The following TANC2 variants were observed in gnomAD, a reference collection of about 807,000 sequenced individuals.
TANC2 encodes protein TANC2.
TANC2 carries 26 observed loss-of-function variants against 210.5 expected under a neutral mutation model. The ratio of observed to expected loss-of-function variants is 0.12; its 90% confidence interval spans 0.09 to 0.17. The LOEUF (loss-of-function observed/expected upper bound fraction) is 0.17, where lower values mean the gene tolerates loss of function less well. TANC2 is among the 10% of genes least tolerant of loss of function. The probability of loss-of-function intolerance (pLI) is 1.00; values close to 1 mark genes in which losing one functional copy is unlikely to be tolerated. For synonymous variants in TANC2, 931 were observed against 967.1 expected (o/e 0.96, Z 0.69); for missense variants, 2,129 against 2,608.9 (o/e 0.82, Z 4.01).
At chr17:63,262,671 C>G in intron 8 of TANC2, among the ~76,000 whole-genome samples, 1 of 150,080 alleles carries the variant, frequency 6.7e-6, no homozygotes. Context: ...GATAAAGAAT[C>G]AAACAAAAGA....
chr17:63,347,834 G>A (rs2046464003), intron 12 of TANC2, among the ~76,000 whole-genome samples: 1 of 152,186 alleles, frequency 6.6e-6, no homozygotes, highest in Non-Finnish European at 1.5e-5. Context: ...GAGTACAGTG[G>A]CAAGATCATA....
intron 19 of TANC2, among the ~76,000 whole-genome samples, chr17:63,399,935 G>A (rs925277620): frequency 6.6e-6 from 1 of 152,250 alleles, no homozygotes. Context: ...GGGAGCAGAT[G>A]CCTGGCAGCT....
At chr17:63,416,516 A>G (rs2048865847) in intron 26 of TANC2, among the ~76,000 whole-genome samples, 1 of 152,232 alleles carries the variant, frequency 6.6e-6, no homozygotes, top group South Asian at 2.1e-4. Flanking sequence ...GGGATCTTCC[A>G]GAAAGATTTG....
chr17:63,062,336 T>C (rs777193682), intron 2 of TANC2, among the ~76,000 whole-genome samples: 8 of 152,246 alleles, frequency 5.3e-5, no homozygotes, highest in Non-Finnish European at 1.0e-4. Flanking sequence ...TCTCCTCTTG[T>C]ACTTTGATTT....
At chr17:63,271,173 A>G (rs1334797196) in intron 9 of TANC2, among the ~76,000 whole-genome samples, 2 of 152,134 alleles carry the variant, frequency 1.3e-5, no homozygotes, top group Non-Finnish European at 2.9e-5. Flanking sequence ...TCCTTCGAAT[A>G]TACCCAGTGA....
chr17:63,098,667 C>T (rs2037505605), intron 3 of TANC2, among the ~76,000 whole-genome samples: 1 of 151,658 alleles, frequency 6.6e-6, no homozygotes, highest in Non-Finnish European at 1.5e-5. Context: ...TAGAAGTAAA[C>T]AGCATGTAAT....
intron 1 of TANC2, among the ~76,000 whole-genome samples, chr17:62,970,586 T>C (rs1308215640): frequency 6.6e-6 from 1 of 152,210 alleles, no homozygotes; most frequent in African/African-American, 2.4e-5. Flanking sequence ...AGGAGTATAC[T>C]AATCCAGTCA....
chr17:63,346,082 A>G (rs1164323144), intron 12 of TANC2, among the ~76,000 whole-genome samples: 1 of 152,200 alleles, frequency 6.6e-6, no homozygotes, highest in Non-Finnish European at 1.5e-5. Context: ...GGGAAGGGGA[A>G]ATAATCTCAA....
At chr17:63,113,642 G>C (rs762180566) in intron 4 of TANC2, among the ~76,000 whole-genome samples, 2 of 152,024 alleles carry the variant, frequency 1.3e-5, no homozygotes, top group Non-Finnish European at 2.9e-5. Context: ...TGAGTAGCTG[G>C]GACTACAGGC....
chr17:63,067,993 G>T (rs560646746), intron 2 of TANC2, among the ~76,000 whole-genome samples: 1 of 152,294 alleles, frequency 6.6e-6, no homozygotes, highest in Non-Finnish European at 1.5e-5. Flanking sequence ...TAAATGCAAA[G>T]AAATTCATAC....
At chr17:63,037,010 T>C (rs1000590520) in intron 2 of TANC2, among the ~76,000 whole-genome samples, 1 of 152,140 alleles carries the variant, frequency 6.6e-6, no homozygotes, top group African/African-American at 2.4e-5. Flanking sequence ...TAAAGTTTAA[T>C]TTATAAATTA....
At chr17:63,133,378 T>TA (rs1274965897) in intron 4 of TANC2, among the ~76,000 whole-genome samples, 10 of 152,248 alleles carry the variant, frequency 6.6e-5, no homozygotes, top group African/African-American at 2.4e-4. Context: ...GTGCTGGGAT[T>TA]ACAGGCGTGA....
chr17:63,063,929 A>G lies in TANC2; in HGVS notation c.68-10014A>G, dbSNP rs970762710. Among the ~76,000 whole-genome samples, 12 of 152,238 alleles carry G rather than the reference A, an allele frequency of 7.9e-5. No individual in the cohort carries two copies. The East Asian group carries it at 2.3e-3, about 29-fold the overall frequency. Reference sequence around the variant, plus strand: ...CATCAGTGTCTGACATGTTTAAAATATGTGGGCTTTTATCTATATTCTGAG... The same window carrying G: ...CATCAGTGTCTGACATGTTTAAAATGTGTGGGCTTTTATCTATATTCTGAG... On this transcript the variant is annotated intron_variant, in intron 2 of 27. Coordinates refer to ENST00000689528, the Ensembl canonical transcript of TANC2.
chr17:63,379,374 G>A (rs190196197), intron 14 of TANC2, among the ~76,000 whole-genome samples: 51 of 152,250 alleles, frequency 3.3e-4, no homozygotes, highest in African/African-American at 1.2e-3. Flanking sequence ...GCAGAATTGG[G>A]GCATTAACAT....
intron 6 of TANC2, among the ~76,000 whole-genome samples, chr17:63,195,985 C>T (rs979642889): frequency 1.5e-4 from 23 of 152,150 alleles, no homozygotes; most frequent in African/African-American, 4.8e-4. Context: ...ATGTTCTTCC[C>T]CCATAACTCA....
chr17:63,165,378 G>A (rs951595004), intron 5 of TANC2, among the ~76,000 whole-genome samples: 7 of 152,122 alleles, frequency 4.6e-5, no homozygotes, highest in Non-Finnish European at 8.8e-5. Flanking sequence ...GTATTTCGGC[G>A]TATTTGATAT....
chr17:63,217,771 C>T (rs1363209132), intron 7 of TANC2, among the ~76,000 whole-genome samples: 1 of 152,130 alleles, frequency 6.6e-6, no homozygotes, highest in African/African-American at 2.4e-5. Context: ...ATGACATGAA[C>T]AGGAGAGTAC....
intron 14 of TANC2, among the ~76,000 whole-genome samples, chr17:63,370,832 G>A (rs2047245724): frequency 6.6e-6 from 1 of 152,182 alleles, no homozygotes; most frequent in Non-Finnish European, 1.5e-5. Flanking sequence ...GGCCAGGTCT[G>A]AAGTGAATAT....
intron 3 of TANC2, among the ~76,000 whole-genome samples, chr17:63,082,330 T>G (rs1025170590): frequency 6.6e-6 from 1 of 152,312 alleles, no homozygotes; most frequent in African/African-American, 2.4e-5. Context: ...TAGGAAGGTA[T>G]CTATTGGTAA....
Sources: gnomAD v4.1 joint callset for allele counts (sites outside exome capture counted in the v4.1 genomes callset) on GRCh38, gnomAD v4.1.1 for gene constraint, MANE v1.5 for transcripts, NCBI Gene and HGNC (gene_info 2026-07-23, HGNC 2026-07-21) for gene names.